Variants in ARHGEF28 observed in about 807,000 individuals in gnomAD.
The protein encoded by ARHGEF28 is 190 kDa guanine nucleotide exchange factor.
In ARHGEF28, 152 loss-of-function variants were observed where a neutral mutation model predicts 206.6. That is an observed-to-expected ratio of 0.74 (90% CI 0.64 to 0.84). ARHGEF28 has a LOEUF of 0.84. Ranked by LOEUF, ARHGEF28 falls within the 40% of genes least tolerant of loss-of-function variation. The probability of loss-of-function intolerance (pLI) is 0.00; values close to 1 mark genes in which losing one functional copy is unlikely to be tolerated. For synonymous variants in ARHGEF28, 763 were observed against 776.4 expected, an observed-to-expected ratio of 0.98 and a Z score of 0.29; for missense variants, 2,028 against 2,073.2, an observed-to-expected ratio of 0.98 and a Z score of 0.42.
At chr5:73,720,583 T>C (rs1445523604) in intron 2 of ARHGEF28, among the ~76,000 whole-genome samples, 1 of 151,564 alleles carries the variant, frequency 6.6e-6, no homozygotes, top group Non-Finnish European at 1.5e-5. Context: ...GAATGACGGG[T>C]GGGATGGTAA....
At chr5:73,721,412 G>A (rs1303052597) in intron 2 of ARHGEF28, among the ~76,000 whole-genome samples, 1 of 152,190 alleles carries the variant, frequency 6.6e-6, no homozygotes, top group Non-Finnish European at 1.5e-5. Context: ...CTTAGATCCT[G>A]TTGAATGTGC....
At chr5:73,904,306 T>G in intron 32 of ARHGEF28, 46 bp downstream of exon 32, 1 of 1,612,968 alleles carries the variant, frequency 6.2e-7, no homozygotes, top group Admixed American at 1.7e-5. Flanking sequence ...CCTTTATTTG[T>G]GGATAATGAA....
At chr5:73,890,207 C>A (rs1761543417) in intron 26 of ARHGEF28, among the ~76,000 whole-genome samples, 1 of 152,198 alleles carries the variant, frequency 6.6e-6, no homozygotes, top group Admixed American at 6.5e-5. Flanking sequence ...ATGAATGCTA[C>A]TTTCCTTGCA....
chr5:73,706,579 C>G (rs1010299232), intron 2 of ARHGEF28, among the ~76,000 whole-genome samples: 19 of 152,248 alleles, frequency 1.2e-4, no homozygotes, highest in Admixed American at 1.2e-3. Flanking sequence ...GTGTCTGGCA[C>G]AGGGTAGGCA....
rs377122963 is a variant in ARHGEF28 at position 73,761,055 on chromosome 5, G to T, written c.475+7853G>T. Among the ~76,000 whole-genome samples the T allele has an allele frequency of 5.1e-4, 78 of 152,282 alleles. 2 individuals carry two copies. In the East Asian group the frequency reaches 0.012, roughly 23 times the overall value. On this transcript the variant is annotated intron_variant, in intron 4 of 35. Transcript: ENST00000513042. ...ATTTTCAAGAACAAAAAATGTAAAT[G>T]GAAGCAAACAGCCTACCCAATGTGC...
chr5:73,837,517 A>C (rs1445037669), intron 10 of ARHGEF28, among the ~76,000 whole-genome samples: 1 of 152,058 alleles, frequency 6.6e-6, no homozygotes, highest in South Asian at 2.1e-4. Context: ...AGCCTTAGTG[A>C]ATACTGTAAC....
intron 2 of ARHGEF28, among the ~76,000 whole-genome samples, chr5:73,705,952 C>T (rs558529573): frequency 6.6e-6 from 1 of 152,270 alleles, no homozygotes; most frequent in Non-Finnish European, 1.5e-5. Flanking sequence ...GTGCTGAGCA[C>T]GTGGCGGTGT....
At chr5:73,930,559 A>T (rs1309801280) in intron 35 of ARHGEF28, among the ~76,000 whole-genome samples, 1 of 152,214 alleles carries the variant, frequency 6.6e-6, no homozygotes, top group African/African-American at 2.4e-5. Context: ...TGACACGTGA[A>T]CACTTTAAGA....
At chr5:73,827,821 A>G (rs771161530) in intron 9 of ARHGEF28, among the ~76,000 whole-genome samples, 1 of 152,274 alleles carries the variant, frequency 6.6e-6, no homozygotes, top group Non-Finnish European at 1.5e-5. Flanking sequence ...CCTATAAGAC[A>G]GCATTAATTT....
intron 1 of ARHGEF28, among the ~76,000 whole-genome samples, chr5:73,646,858 C>A (rs904598965): frequency 6.6e-6 from 1 of 152,068 alleles, no homozygotes; most frequent in Non-Finnish European, 1.5e-5. Context: ...AGTAGAGTGG[C>A]TCATCTATGA....
intron 1 of ARHGEF28, among the ~76,000 whole-genome samples, chr5:73,659,006 CCA>C (rs1745418214): frequency 6.9e-6 from 1 of 144,178 alleles, no homozygotes; most frequent in East Asian, 2.0e-4. Flanking sequence ...CACACACACA[CCA>C]CACTCACAGG....
chr5:73,801,339 T>C (rs555679188), intron 9 of ARHGEF28, among the ~76,000 whole-genome samples: 10 of 151,542 alleles, frequency 6.6e-5, no homozygotes, highest in African/African-American at 1.9e-4. Flanking sequence ...CCCAGCTACT[T>C]GGGAGGCTGA....
intron 1 of ARHGEF28, among the ~76,000 whole-genome samples, chr5:73,684,540 A>G (rs1747321084): frequency 6.6e-6 from 1 of 152,226 alleles, no homozygotes; most frequent in Non-Finnish European, 1.5e-5. Context: ...GAACATAGGT[A>G]TAAAAATTTC....
At chr5:73,686,551 C>T (rs1263184732) in intron 2 of ARHGEF28, among the ~76,000 whole-genome samples, 1 of 147,632 alleles carries the variant, frequency 6.8e-6, no homozygotes, top group East Asian at 2.0e-4. Flanking sequence ...CGGAGTCTGG[C>T]TCTGTCACCC....
chr5:73,790,017 G>C (rs552754211), intron 7 of ARHGEF28, among the ~76,000 whole-genome samples: 138 of 152,254 alleles, frequency 9.1e-4, no homozygotes, highest in Non-Finnish European at 1.3e-3. Context: ...AGATAATCCG[G>C]TAGAAAAGTT....
chr5:73,784,909 C>T (rs576636509), intron 7 of ARHGEF28, among the ~76,000 whole-genome samples: 9 of 152,230 alleles, frequency 5.9e-5, no homozygotes, highest in Non-Finnish European at 1.0e-4. Context: ...TAAGCACTGC[C>T]ATACTGAAAC....
At chr5:73,771,256 A>G (rs1281388797) in intron 4 of ARHGEF28, among the ~76,000 whole-genome samples, 1 of 152,170 alleles carries the variant, frequency 6.6e-6, no homozygotes, top group East Asian at 1.9e-4. Flanking sequence ...TAGAAATTCC[A>G]TCCGGGCTGG....
At chr5:73,730,940 C>T (rs931493690) in intron 2 of ARHGEF28, among the ~76,000 whole-genome samples, 6 of 150,470 alleles carry the variant, frequency 4.0e-5, no homozygotes, top group African/African-American at 1.5e-4. Flanking sequence ...ACAGTATGTA[C>T]TGAGCTAGAT....
intron 1 of ARHGEF28, among the ~76,000 whole-genome samples, chr5:73,672,140 G>T (rs1304985710): frequency 6.6e-6 from 1 of 152,098 alleles, no homozygotes; most frequent in African/African-American, 2.4e-5. Context: ...GAGTGTTATT[G>T]CTGGGTCTCT....
Sources: allele counts gnomAD v4.1 joint callset (sites outside exome capture counted in the v4.1 genomes callset), GRCh38; gene constraint gnomAD v4.1.1; transcripts MANE v1.5; gene names NCBI Gene and HGNC (gene_info 2026-07-23, HGNC 2026-07-21).